The following AKR1C2 variants were observed in gnomAD, a reference collection of about 807,000 sequenced individuals.
The protein encoded by AKR1C2 is aldo-keto reductase family 1 member C2.
Under a neutral mutation model 39.8 loss-of-function variants are expected in AKR1C2, and 27 were observed. That is an observed-to-expected ratio of 0.68 (90% confidence interval 0.50 to 0.93). AKR1C2 has a LOEUF of 0.93. Ranked by LOEUF, AKR1C2 falls within the 40% of genes least tolerant of loss-of-function variation. The probability of loss-of-function intolerance (pLI) is 0.00; values close to 1 mark genes in which losing one functional copy is unlikely to be tolerated. For synonymous variants in AKR1C2, 114 were observed against 137.9 expected, an observed-to-expected ratio of 0.83 and a Z score of 1.22; for missense variants, 263 against 365.1, an observed-to-expected ratio of 0.72 and a Z score of 2.28.
rs528198857 is a variant in AKR1C2, at chr10:4,989,724, C to T, written c.*272G>A. 1.9e-5 allele frequency: 10 copies of T among 518,158 alleles called. 1 individual carries two copies. The Admixed American group carries it at 2.5e-4, about 13-fold the overall frequency. 32.1% of individuals were successfully genotyped at this position (518,158 alleles called of 1,614,324 possible). On this transcript the variant is annotated 3_prime_UTR_variant, in exon 9 of 9. Coordinates refer to ENST00000380753, the MANE Select transcript of AKR1C2 (RefSeq NM_001393392.1). ...GTATAGGCAAATCACAATTTGGGGG[C>T]ACTAGTGTGTCAGAAGGAGAGAAAA... is the stretch of plus-strand genomic sequence containing the variant.
At chr10:5,007,366 G>A (rs1837426893), upstream of AKR1C2, 1 of 150,724 alleles carries the variant, frequency 6.6e-6, no homozygotes. Flanking sequence ...CATATATAAA[G>A]TTGTAATTAG....
At chr10:5,000,440 T>G in intron 3 of AKR1C2, 110 bp downstream of exon 3, 4 of 1,600,732 alleles carry the variant, frequency 2.5e-6, no homozygotes, top group Non-Finnish European at 3.4e-6. Context: ...TCTTCTTCCA[T>G]GTTAAAATCC....
chr10:5,008,484 C>T (rs1554774623), upstream of AKR1C2, among the ~76,000 whole-genome samples: 2 of 152,054 alleles, frequency 1.3e-5, no homozygotes, highest in African/African-American at 4.8e-5. Context: ...TACATGGGGG[C>T]TTCTGCCTGA....
intron 1 of AKR1C2, among the ~76,000 whole-genome samples, chr10:5,013,780 T>C (rs1312661783): frequency 2.6e-5 from 4 of 152,218 alleles, no homozygotes; most frequent in Non-Finnish European, 5.9e-5. Context: ...ATCAACCTTA[T>C]TGAGCAAGCA....
Position 4,998,640 on chromosome 10 carries a change from C to T in AKR1C2, c.555G>A (p.Lys185=), listed in dbSNP as rs1554773417. The T allele has an allele frequency of 1.2e-6, 2 of 1,614,118 alleles. No individual in the cohort carries two copies. The highest frequency in any genetic ancestry group is 1.1e-5 in the South Asian group (1 of 91,078). The change falls in exon 5 of 9, where the codon AAG becomes AAA. Residue 185 remains lysine, a synonymous_variant. Transcript: ENST00000380753. The stretch of plus-strand genomic sequence containing the variant: ...GGGCGCTCACCTGGTTGCAGACAGG[C>T]TTGTACTTGAGCCCTGGCTTGTTGA... ...MILNKPGLKY[K]PVCNQVECHP...
chr10:5,012,401 A>G (rs1431421862), intron 1 of AKR1C2, among the ~76,000 whole-genome samples: 1 of 151,736 alleles, frequency 6.6e-6, no homozygotes, highest in Non-Finnish European at 1.5e-5. Flanking sequence ...ATCCTAAGAT[A>G]GAAGCATTTC....
At chr10:5,002,506 G>T (rs1332607892) in intron 1 of AKR1C2, among the ~76,000 whole-genome samples, 1 of 152,138 alleles carries the variant, frequency 6.6e-6, no homozygotes, top group Non-Finnish European at 1.5e-5. Context: ...ATTGATTTGT[G>T]TATGTAAGAA....
rs1837014292 is a variant in AKR1C2, at chr10:4,995,815, C to T, written c.621G>A (p.Lys207=). ...FNQRKLLDFC[K]SKDIVLVAYS... ...AGGCAACCAGAACAATGTCTTTTGA[C>T]TTGCAGAAATCCAGCAGTTTTCTCT... Residue 207 remains lysine, a synonymous_variant, in exon 6 of 9, where the codon AAG becomes AAA. Transcript: ENST00000380753. 1 of 1,612,386 alleles carries T rather than the reference C, an allele frequency of 6.2e-7. No homozygotes were observed. The highest frequency in any genetic ancestry group is 1.1e-5 in the South Asian group (1 of 90,782).
At chr10:5,000,518 G>T in intron 3 of AKR1C2, 32 bp downstream of exon 3, 1 of 1,613,402 alleles carries the variant, frequency 6.2e-7, no homozygotes, top group Non-Finnish European at 8.5e-7. Flanking sequence ...GAGAACAAAA[G>T]TGAAATTAAT....
At chr10:5,005,194 A>T (rs544144801), upstream of AKR1C2, among the ~76,000 whole-genome samples, 53 of 152,300 alleles carry the variant, frequency 3.5e-4, no homozygotes, top group Admixed American at 1.6e-3. Context: ...TATTTGGGGA[A>T]ATATAAAAGG....
chr10:5,009,532 C>G (rs1394898906), intron 1 of AKR1C2, among the ~76,000 whole-genome samples: 13 of 151,478 alleles, frequency 8.6e-5, no homozygotes, highest in Non-Finnish European at 1.6e-4. Context: ...TGAGAAAAAA[C>G]TATTTCTGAA....
At chr10:5,002,788 T>A (rs1554773984) in intron 1 of AKR1C2, among the ~76,000 whole-genome samples, 2 of 152,228 alleles carry the variant, frequency 1.3e-5, no homozygotes, top group African/African-American at 2.4e-5. Flanking sequence ...ATACCATCTT[T>A]GATCTTCTCT....
Position 4,990,057 on chromosome 10 carries a change from A to G in AKR1C2, c.930-19T>C, listed in dbSNP as rs782043841. 2.5e-6 allele frequency: 4 copies of G among 1,607,046 alleles called. No individual in the cohort carries two copies. Among genetic ancestry groups the G allele is most frequent in the Non-Finnish European group, 3.4e-6 (4 of 1,177,660 alleles). Reference sequence around the variant, plus strand: ...AGCAAAACTGGAAAGAGAAAAAAAAATGCACACTCTGAATGGCAATGACTC... The same window carrying G: ...AGCAAAACTGGAAAGAGAAAAAAAAGTGCACACTCTGAATGGCAATGACTC... On this transcript the variant is annotated intron_variant, in intron 8 of 8. Coordinates refer to ENST00000380753, the MANE Select transcript of AKR1C2 (RefSeq NM_001393392.1).
rs1255892293 is a variant in AKR1C2 at position 4,989,108 on chromosome 10, C to G, written c.*888G>C. ...TAAAAGATTGCATATAACAAATGAA[C>G]AGTACATTTTTACAATCTAAGAATA... On this transcript the variant is annotated 3_prime_UTR_variant, in exon 9 of 9. Transcript: ENST00000380753. The G allele has an allele frequency of 6.6e-6, 1 of 151,972 alleles. No individual in the cohort carries two copies. Among genetic ancestry groups the G allele is most frequent in the Non-Finnish European group, 1.5e-5 (1 of 67,994 alleles). 9.4% of individuals were successfully genotyped at this position (151,972 alleles called of 1,614,324 possible).
intron 5 of AKR1C2, among the ~76,000 whole-genome samples, chr10:4,996,336 C>T (rs1420558638): frequency 6.6e-6 from 1 of 151,358 alleles, no homozygotes; most frequent in African/African-American, 2.4e-5. Flanking sequence ...TGATATATAT[C>T]TATATAGATG....
At chr10:4,991,276 G>A (rs1554772217) in intron 8 of AKR1C2, among the ~76,000 whole-genome samples, 1 of 151,550 alleles carries the variant, frequency 6.6e-6, no homozygotes, top group Admixed American at 6.6e-5. Flanking sequence ...GGCAAATGCA[G>A]TATTTGGCTC....
chr10:4,993,370 A>G (rs557072761), intron 7 of AKR1C2, among the ~76,000 whole-genome samples: 1 of 152,336 alleles, frequency 6.6e-6, no homozygotes, highest in South Asian at 2.1e-4. Context: ...CAGGTAAAAA[A>G]ATTCAAGTTA....
chr10:4,990,527 G>A (rs1443486915), intron 8 of AKR1C2, among the ~76,000 whole-genome samples: 3 of 151,856 alleles, frequency 2.0e-5, no homozygotes, highest in Admixed American at 6.6e-5. Flanking sequence ...CCTATCATAC[G>A]CAACACACTT....
In AKR1C2 at chr10:4,996,547, A is replaced by ATATAT. The variant is rs371538926; in HGVS notation, c.571-683_571-682insATATA. On this transcript the variant is annotated intron_variant, in intron 5 of 8. Coordinates refer to ENST00000380753, the MANE Select transcript of AKR1C2 (RefSeq NM_001393392.1). Reference sequence around the variant, plus strand: ...TCTTTCATATATATTATATATATATAATATATATATATATGCTGAGTAGAT... The same window carrying ATATAT: ...TCTTTCATATATATTATATATATATATATATATATATATATATATGCTGAGTAGAT... Among the ~76,000 whole-genome samples the ATATAT allele has an allele frequency of 7.0e-4, 101 of 144,546 alleles. 1 individual carries two copies. The East Asian group carries it at 0.011, about 15-fold the overall frequency. 94.8% of individuals were successfully genotyped at this position (144,546 alleles called of 152,430 possible).
Sources: gnomAD v4.1 joint callset for allele counts (sites outside exome capture counted in the v4.1 genomes callset) on GRCh38, gnomAD v4.1.1 for gene constraint, MANE v1.5 for transcripts, NCBI Gene and HGNC (gene_info 2026-07-23, HGNC 2026-07-21) for gene names.